The following TOX variants were observed in gnomAD, a reference collection of about 807,000 sequenced individuals.
TOX encodes the protein thymocyte selection associated high mobility group box.
TOX carries 11 observed loss-of-function variants against 53.7 expected under a neutral mutation model. That is an observed-to-expected ratio of 0.20 (90% confidence interval 0.13 to 0.34). The LOEUF is 0.34. Ranked by LOEUF, TOX falls within the 10% of genes least tolerant of loss-of-function variation. The pLI is 1.00. For synonymous variants in TOX, 225 were observed against 245.3 expected, an observed-to-expected ratio of 0.92 and a Z score of 0.77; for missense variants, 570 against 664.6, an observed-to-expected ratio of 0.86 and a Z score of 1.56.
At position 59,119,066 on chromosome 8, in the gene TOX, C is replaced by T; in HGVS notation, c.-79G>A. ...TTCAGCAAAACAAGCTTAGACGGAA[C>T]AGAGTGAGGTGTCTGGGCTCAGGAG... is the stretch of plus-strand genomic sequence containing the variant. On this transcript the variant is annotated 5_prime_UTR_variant, in exon 1 of 9. Coordinates refer to ENST00000361421, the MANE Select transcript of TOX (RefSeq NM_014729.3). The T allele has an allele frequency of 2.1e-6, 2 of 930,926 alleles. No individual in the cohort carries two copies. Among genetic ancestry groups the T allele is most frequent in the South Asian group, 1.4e-5 (1 of 70,256 alleles). The allele number at this position is 930,926 out of a possible 1,614,324, so 57.7% of individuals were successfully genotyped here. A position where few individuals can be genotyped will look rare whatever the true frequency, so the allele number is the denominator to read the frequency against.
At chr8:58,992,990 C>T (rs1813484959) in intron 1 of TOX, 1 of 152,236 alleles carries the variant, frequency 6.6e-6, no homozygotes, top group East Asian at 1.9e-4. Flanking sequence ...AGTGAGAGAA[C>T]GTGGGACCCA....
At chr8:58,944,334 A>C (rs1236049748) in intron 2 of TOX, among the ~76,000 whole-genome samples, 1 of 152,222 alleles carries the variant, frequency 6.6e-6, no homozygotes, top group African/African-American at 2.4e-5. Flanking sequence ...TTAAAGTAGT[A>C]ATTTCAAAAT....
intron 1 of TOX, among the ~76,000 whole-genome samples, chr8:59,063,426 C>CA (rs1804026423): frequency 1.6e-5 from 2 of 123,800 alleles, no homozygotes; most frequent in South Asian, 2.6e-4. Flanking sequence ...AGGATATAGA[C>CA]TTTTTTTTTT....
chr8:59,114,350 T>C (rs527557173), intron 1 of TOX, among the ~76,000 whole-genome samples: 2 of 152,222 alleles, frequency 1.3e-5, no homozygotes, highest in South Asian at 2.1e-4. Context: ...TTTGTTTGCA[T>C]AGACATTTAA....
intron 1 of TOX, among the ~76,000 whole-genome samples, chr8:59,007,998 CCT>C (rs1563416466): frequency 6.6e-6 from 1 of 152,218 alleles, no homozygotes; most frequent in Non-Finnish European, 1.5e-5. Flanking sequence ...ACCTGTTTCA[CCT>C]CTGTTACATT....
At chr8:58,986,276 T>C (rs1813326102) in intron 1 of TOX, among the ~76,000 whole-genome samples, 1 of 152,186 alleles carries the variant, frequency 6.6e-6, no homozygotes, top group Non-Finnish European at 1.5e-5. Context: ...TGGTGTCTCA[T>C]GGTAGCTACT....
In TOX at chr8:58,981,264, C is replaced by T. The variant is rs182859713; in HGVS notation, c.103-21256G>A. Among the ~76,000 whole-genome samples the T allele has an allele frequency of 4.6e-5, 7 of 152,288 alleles. 1 individual carries two copies. The highest frequency in any genetic ancestry group is 1.3e-4 in the Admixed American group (2 of 15,294). On this transcript the variant is annotated intron_variant, in intron 1 of 8. Transcript: ENST00000361421. ...TCTCTTGAGTCTTCCATCTTCCTTC[C>T]CAATTACCTTTAATCCCTCTACCTC...
chr8:59,066,909 A>T (rs1259311577), intron 1 of TOX, among the ~76,000 whole-genome samples: 1 of 152,232 alleles, frequency 6.6e-6, no homozygotes, highest in Admixed American at 6.5e-5. Context: ...AAAATAATGC[A>T]CCACATTTCA....
chr8:58,928,068 C>A (rs768517898), intron 3 of TOX, among the ~76,000 whole-genome samples: 3 of 152,204 alleles, frequency 2.0e-5, no homozygotes, highest in Non-Finnish European at 4.4e-5. Context: ...TGGTCTCATA[C>A]TTTCGTCAAG....
chr8:58,818,798 G>C (rs1226066618), intron 6 of TOX, among the ~76,000 whole-genome samples: 2 of 152,102 alleles, frequency 1.3e-5, no homozygotes, highest in African/African-American at 4.8e-5. Flanking sequence ...AACCCTTCCT[G>C]AAGTGATGAG....
chr8:59,044,853 A>G (rs758979561), intron 1 of TOX, among the ~76,000 whole-genome samples: 14 of 152,226 alleles, frequency 9.2e-5, no homozygotes, highest in Non-Finnish European at 2.1e-4. Context: ...AAACACAAGA[A>G]AGCATAAAAG....
chr8:59,092,326 T>C (rs1358730342), intron 1 of TOX, among the ~76,000 whole-genome samples: 2 of 129,524 alleles, frequency 1.5e-5, no homozygotes, highest in Admixed American at 9.0e-5. Flanking sequence ...TACATATATA[T>C]ATTATATATT....
intron 2 of TOX, among the ~76,000 whole-genome samples, chr8:58,944,773 T>C (rs1456776582): frequency 6.6e-6 from 1 of 152,232 alleles, no homozygotes; most frequent in Non-Finnish European, 1.5e-5. Flanking sequence ...GTTAAACGGA[T>C]TTATACATGC....
Position 59,118,337 on chromosome 8 carries a change from G to A in TOX, c.102+549C>T, listed in dbSNP as rs1805145271. On this transcript the variant is annotated intron_variant, in intron 1 of 8. Transcript: ENST00000361421. The surrounding 1 kb of genome is among the most constrained non-coding windows in gnomAD (Gnocchi z 4.1). The stretch of plus-strand genomic sequence containing the variant: ...AACCCGGGCTCGGCTGCCGGAACCG[G>A]TTTGAGAAAACAAAAGAGTTGTGGG... 6.6e-6 allele frequency among the ~76,000 whole-genome samples: 1 copy of A among 152,208 alleles called. No individual in the cohort carries two copies. Among genetic ancestry groups the A allele is most frequent in the African/African-American group, 2.4e-5 (1 of 41,462 alleles).
chr8:58,991,862 C>T (rs1813456406), intron 1 of TOX: 1 of 152,342 alleles, frequency 6.6e-6, no homozygotes, highest in Non-Finnish European at 1.5e-5. Flanking sequence ...GGTTAATGCT[C>T]TTCCCGACTG....
At chr8:58,906,492 G>A (rs1177587762) in intron 3 of TOX, among the ~76,000 whole-genome samples, 1 of 152,118 alleles carries the variant, frequency 6.6e-6, no homozygotes, top group African/African-American at 2.4e-5. Flanking sequence ...AACACCATCT[G>A]ATTAAATGAA....
intron 3 of TOX, among the ~76,000 whole-genome samples, chr8:58,932,301 T>C (rs563405758): frequency 3.3e-5 from 5 of 152,004 alleles, no homozygotes; most frequent in South Asian, 4.2e-4. Context: ...AAACAGGCTA[T>C]AATTGCTAAA....
At chr8:58,816,041 A>G (rs1394231679) in intron 6 of TOX, among the ~76,000 whole-genome samples, 4 of 152,250 alleles carry the variant, frequency 2.6e-5, no homozygotes, top group Non-Finnish European at 5.9e-5. Flanking sequence ...GGACGGGAGA[A>G]GGCAGATGCC....
chr8:58,873,443 A>G (rs949510241), intron 3 of TOX, among the ~76,000 whole-genome samples: 3 of 152,156 alleles, frequency 2.0e-5, no homozygotes, highest in Admixed American at 1.3e-4. Flanking sequence ...TCCGTACTAC[A>G]AAGACTACAA....
Sources: allele counts gnomAD v4.1 joint callset (sites outside exome capture counted in the v4.1 genomes callset), GRCh38; gene constraint gnomAD v4.1.1; non-coding constraint Gnocchi (gnomAD v3.1); transcripts MANE v1.5; gene names NCBI Gene and HGNC (gene_info 2026-07-23, HGNC 2026-07-21).